The following ERBB4 variants were observed in gnomAD, a reference collection of about 807,000 sequenced individuals.
The protein encoded by ERBB4 is erb-b2 receptor tyrosine kinase 4, also known as receptor tyrosine-protein kinase erbB-4.
In ERBB4, 42 loss-of-function variants were observed where a neutral mutation model predicts 158.0. The ratio of observed to expected loss-of-function variants is 0.27; its 90% confidence interval spans 0.21 to 0.34. The LOEUF is 0.34. Among genes scored for constraint, ERBB4 ranks in the 10% least tolerant of loss-of-function variants. The probability of loss-of-function intolerance (pLI) is 1.00; values close to 1 mark genes in which losing one functional copy is unlikely to be tolerated. For missense variants in ERBB4, 1,333 were observed against 1,624.1 expected (o/e 0.82, Z 3.08); for synonymous variants, 583 against 558.7 (o/e 1.04, Z -0.61).
chr2:211,424,078 T>C, intron 23 of ERBB4, 77 bp downstream of exon 23: 3 of 1,381,352 alleles, frequency 2.2e-6, no homozygotes, highest in Non-Finnish European at 2.1e-6. Context: ...TACAGAGAAA[T>C]GTTGTACAGA....
chr2:211,827,817 G>A (rs77514313), intron 3 of ERBB4, among the ~76,000 whole-genome samples: 5,836 of 151,982 alleles, frequency 0.038, 184 homozygotes, highest in Non-Finnish European at 0.059. Context: ...TACAACATAT[G>A]CAATTATTTT....
At chr2:212,246,803 C>G (rs181783107) in intron 1 of ERBB4, among the ~76,000 whole-genome samples, 2 of 152,150 alleles carry the variant, frequency 1.3e-5, no homozygotes, top group African/African-American at 4.8e-5. Flanking sequence ...TAAATATAGA[C>G]AGCAGCACAG....
chr2:211,384,605 G>A (rs1027151877), intron 27 of ERBB4, among the ~76,000 whole-genome samples: 1 of 151,970 alleles, frequency 6.6e-6, no homozygotes, highest in Admixed American at 6.6e-5. Flanking sequence ...TCTGAAAAAG[G>A]TTTTACACAT....
At chr2:211,866,660 G>T (rs969745259) in intron 3 of ERBB4, among the ~76,000 whole-genome samples, 4 of 151,956 alleles carry the variant, frequency 2.6e-5, no homozygotes, top group Non-Finnish European at 4.4e-5. Flanking sequence ...AACTTAACCA[G>T]TAAAACAGCA....
At chr2:212,055,318 G>T (rs1282998522) in intron 2 of ERBB4, among the ~76,000 whole-genome samples, 2 of 152,220 alleles carry the variant, frequency 1.3e-5, no homozygotes, top group Non-Finnish European at 2.9e-5. Context: ...ACTGGGTGGA[G>T]CCCATGACAG....
intron 20 of ERBB4, among the ~76,000 whole-genome samples, chr2:211,450,647 T>C (rs1342674355): frequency 3.3e-5 from 5 of 152,112 alleles, no homozygotes. Context: ...GTGCTACTGA[T>C]TGGATGGTGA....
intron 20 of ERBB4, among the ~76,000 whole-genome samples, chr2:211,493,385 A>T (rs968138989): frequency 6.6e-6 from 1 of 152,078 alleles, no homozygotes; most frequent in African/African-American, 2.4e-5. Context: ...TTCCTTTCTT[A>T]ACCTGTAATG....
chr2:211,783,816 G>C (rs1226798752), intron 4 of ERBB4, among the ~76,000 whole-genome samples: 2 of 152,070 alleles, frequency 1.3e-5, no homozygotes, highest in African/African-American at 4.8e-5. Flanking sequence ...CAGGGATATT[G>C]GTCTAAAATT....
At chr2:211,567,533 A>G (rs1044658377) in intron 19 of ERBB4, among the ~76,000 whole-genome samples, 1 of 152,168 alleles carries the variant, frequency 6.6e-6, no homozygotes, top group African/African-American at 2.4e-5. Flanking sequence ...AGAATGACAA[A>G]ATGTAAAGTA....
chr2:211,604,793 A>G (rs1179337576), intron 19 of ERBB4, among the ~76,000 whole-genome samples: 2 of 152,200 alleles, frequency 1.3e-5, no homozygotes, highest in African/African-American at 2.4e-5. Flanking sequence ...GGTGATGAAA[A>G]TAAAACCCTG....
rs1216120930 is a variant in ERBB4 at position 212,364,986 on chromosome 2, A to G, written c.82+173463T>C. Among the ~76,000 whole-genome samples the G allele has an allele frequency of 2.0e-5, 3 of 151,526 alleles. No individual in the cohort carries two copies. The Admixed American group carries it at 2.0e-4, about 10-fold the overall frequency. On this transcript the variant is annotated intron_variant, in intron 1 of 27. Coordinates refer to ENST00000342788, the MANE Select transcript of ERBB4 (RefSeq NM_005235.3). ...AATTATAGTCTCTGCTTCAAGTTTA[A>G]ATAAGTATTTTATAAAATAGACAAA...
chr2:211,717,273 G>C (rs1489583948), intron 7 of ERBB4, among the ~76,000 whole-genome samples: 5 of 152,184 alleles, frequency 3.3e-5, no homozygotes, highest in African/African-American at 1.2e-4. Context: ...GTTTTGTAAG[G>C]ATGGTACATG....
intron 9 of ERBB4, among the ~76,000 whole-genome samples, chr2:211,710,382 T>C (rs542812788): frequency 6.6e-6 from 1 of 152,318 alleles, no homozygotes; most frequent in African/African-American, 2.4e-5. Context: ...TGGTTTTAAA[T>C]ATAGTCAAAT....
intron 5 of ERBB4, among the ~76,000 whole-genome samples, chr2:211,729,228 T>C (rs62182989): frequency 0.2 from 31,064 of 151,636 alleles, 4,061 homozygotes; most frequent in Non-Finnish European, 0.3. Flanking sequence ...GAAAAATTCC[T>C]CTAAATTATT....
chr2:212,333,015 C>T (rs982452127), intron 1 of ERBB4, among the ~76,000 whole-genome samples: 2 of 151,970 alleles, frequency 1.3e-5, no homozygotes, highest in African/African-American at 4.8e-5. Flanking sequence ...ATCACTCTAG[C>T]TTCTTTGGAT....
intron 2 of ERBB4, among the ~76,000 whole-genome samples, chr2:212,000,806 A>G (rs1380936682): frequency 6.6e-6 from 1 of 151,940 alleles, no homozygotes; most frequent in Non-Finnish European, 1.5e-5. Flanking sequence ...ATATTTAGTT[A>G]CATGAATCTA....
At chr2:211,774,335 G>A (rs560262252) in intron 4 of ERBB4, among the ~76,000 whole-genome samples, 6 of 152,224 alleles carry the variant, frequency 3.9e-5, no homozygotes, top group African/African-American at 7.2e-5. Flanking sequence ...GCCTCCCAAA[G>A]TGCTGGGATT....
intron 3 of ERBB4, among the ~76,000 whole-genome samples, chr2:211,823,834 AT>A (rs1214559126): frequency 2.0e-5 from 3 of 152,050 alleles, no homozygotes; most frequent in Non-Finnish European, 4.4e-5. Flanking sequence ...CTGTCATTTA[AT>A]TTTTGAGGGC....
intron 25 of ERBB4, among the ~76,000 whole-genome samples, chr2:211,400,434 T>A (rs1460509578): frequency 6.6e-6 from 1 of 152,144 alleles, no homozygotes; most frequent in East Asian, 1.9e-4. Context: ...TAAAAGTATT[T>A]GCACAGTGAC....
Sources: gnomAD v4.1 joint callset for allele counts (sites outside exome capture counted in the v4.1 genomes callset) on GRCh38, gnomAD v4.1.1 for gene constraint, MANE v1.5 for transcripts, NCBI Gene and HGNC (gene_info 2026-07-23, HGNC 2026-07-21) for gene names.